UTRN: variants seen among roughly 807,000 people sequenced by gnomAD.
UTRN encodes the protein utrophin, also known as dystrophin-related protein 1.
UTRN carries 283 observed loss-of-function variants against 463.9 expected under a neutral mutation model. The observed-to-expected ratio is 0.61, with a 90% CI of 0.55 to 0.67. UTRN has a LOEUF of 0.67. Among genes scored for constraint, UTRN ranks in the 30% least tolerant of loss-of-function variants. UTRN has a pLI of 0.00. For synonymous variants in UTRN, 1,442 were observed against 1,431.5 expected, an observed-to-expected ratio of 1.01 and a Z score of -0.17; for missense variants, 3,922 against 4,084.3, an observed-to-expected ratio of 0.96 and a Z score of 1.08.
intron 13 of UTRN, 38 bp from the exon 14 acceptor site, chr6:144,444,243 A>G (rs1787444730): frequency 6.6e-7 from 1 of 1,520,020 alleles, no homozygotes; most frequent in Non-Finnish European, 9.1e-7. Context: ...CTCTCTCTTA[A>G]GGCTGTGTTG....
intron 52 of UTRN, among the ~76,000 whole-genome samples, chr6:144,685,386 T>C (rs6925510): frequency 0.052 from 7,859 of 152,254 alleles, 295 homozygotes; most frequent in African/African-American, 0.1. Flanking sequence ...TTCCTTTTGG[T>C]AGATACCTAG....
chr6:144,480,900 A>G (rs1247165589), intron 26 of UTRN, among the ~76,000 whole-genome samples: 2 of 152,230 alleles, frequency 1.3e-5, no homozygotes, highest in East Asian at 3.8e-4. Flanking sequence ...TAAATATGAC[A>G]GGAGACTTGT....
intron 58 of UTRN, among the ~76,000 whole-genome samples, chr6:144,765,336 T>C (rs1241608800): frequency 6.6e-6 from 1 of 152,206 alleles, no homozygotes; most frequent in Admixed American, 6.5e-5. Flanking sequence ...TTTTGGGGTG[T>C]ATGGTATGGT....
chr6:144,516,396 A>G lies in UTRN; in HGVS notation c.5403+9A>G. On this transcript the variant is annotated intron_variant, in intron 38 of 74. Coordinates refer to ENST00000367545, the MANE Select transcript of UTRN (RefSeq NM_007124.3). ...GTGATGAAGATGAAAAGGTTGGTTCAAGGAGATTTCAAAACCATGGTGGTC... is the reference window on the plus strand; with the variant it reads ...GTGATGAAGATGAAAAGGTTGGTTCGAGGAGATTTCAAAACCATGGTGGTC... The G allele has an allele frequency of 6.2e-7, 1 of 1,605,880 alleles. No homozygotes were observed. Among genetic ancestry groups the G allele is most frequent in the African/African-American group, 1.3e-5 (1 of 74,416 alleles).
rs571649843 is a variant in UTRN at position 144,502,913 on chromosome 6, T to C, written c.4764+3486T>C. Among the ~76,000 whole-genome samples the C allele has an allele frequency of 3.3e-5, 5 of 152,326 alleles. No individual in the cohort carries two copies. In the South Asian group the frequency reaches 8.3e-4, roughly 25 times the overall value. The stretch of plus-strand genomic sequence containing the variant: ...TTCTCCACATCCACTCCAGCATCTG[T>C]TGTTTCCTGACTTTTTAATAATCGC... On this transcript the variant is annotated intron_variant, in intron 34 of 74. Transcript: ENST00000367545.
In UTRN at chr6:144,539,396, G is replaced by A. The variant is rs577181209; in HGVS notation, c.6472G>A (p.Asp2158Asn). 2 of 1,613,228 alleles carry A rather than the reference G, an allele frequency of 1.2e-6. No individual in the cohort carries two copies. Among genetic ancestry groups the A allele is most frequent in the African/African-American group, 2.7e-5 (2 of 74,994 alleles). ...SDKSLSLPER[D>N]KISESLRTVN... Reference sequence around the variant, plus strand: ...TAAAAGTCTGAGTTTACCTGAAAGGGATAAAATTTCAGAAAGCTTAAGGAC... The same window carrying A: ...TAAAAGTCTGAGTTTACCTGAAAGGAATAAAATTTCAGAAAGCTTAAGGAC... Residue 2158 changes from aspartate to asparagine, a missense_variant, in exon 45 of 75, where the codon GAT becomes AAT. Asp to Asn is a conservative substitution (Grantham distance 23, BLOSUM62 1). Around this residue, in one of 3 missense-constraint regions of UTRN, gnomAD observed 2,349 missense variants for 2,303.8 expected, o/e 1.02. Coordinates refer to ENST00000367545, the MANE Select transcript of UTRN (RefSeq NM_007124.3).
intron 46 of UTRN, among the ~76,000 whole-genome samples, chr6:144,545,872 T>G (rs1471722788): frequency 6.6e-6 from 1 of 152,082 alleles, no homozygotes; most frequent in Non-Finnish European, 1.5e-5. Context: ...ATACAAAAAT[T>G]AGCTGGGCGT....
intron 65 of UTRN, among the ~76,000 whole-genome samples, chr6:144,815,342 CT>C (rs1313488164): frequency 6.6e-6 from 1 of 152,152 alleles, no homozygotes; most frequent in Non-Finnish European, 1.5e-5. Context: ...TTAGGCAGGG[CT>C]GTCTAGAGGG....
intron 2 of UTRN, among the ~76,000 whole-genome samples, chr6:144,332,976 C>A (rs1480337398): frequency 6.6e-6 from 1 of 151,528 alleles, no homozygotes; most frequent in Non-Finnish European, 1.5e-5. Flanking sequence ...TTCTGTCACT[C>A]AGGCTGGAGT....
chr6:144,391,534 C>G (rs192894617), intron 2 of UTRN, among the ~76,000 whole-genome samples: 211 of 152,270 alleles, frequency 1.4e-3, no homozygotes, highest in African/African-American at 4.6e-3. Flanking sequence ...AGTTTCAGAC[C>G]AAATCCTGCC....
intron 2 of UTRN, among the ~76,000 whole-genome samples, chr6:144,326,383 T>A (rs1000116303): frequency 5.9e-5 from 9 of 152,120 alleles, no homozygotes; most frequent in Non-Finnish European, 1.2e-4. Flanking sequence ...TAATATTTTT[T>A]ATACTTTCTG....
At chr6:144,719,432 C>G (rs1786858086) in intron 53 of UTRN, among the ~76,000 whole-genome samples, 1 of 152,100 alleles carries the variant, frequency 6.6e-6, no homozygotes, top group South Asian at 2.1e-4. Context: ...AAAAAATTAT[C>G]TGGGCGTGGT....
chr6:144,556,077 C>G (rs919867713), intron 49 of UTRN, among the ~76,000 whole-genome samples: 1 of 152,054 alleles, frequency 6.6e-6, no homozygotes, highest in Non-Finnish European at 1.5e-5. Flanking sequence ...TTAAGATTCT[C>G]TGTATAAAAT....
intron 19 of UTRN, among the ~76,000 whole-genome samples, chr6:144,454,995 A>C (rs1356127090): frequency 6.6e-6 from 1 of 152,062 alleles, no homozygotes; most frequent in East Asian, 1.9e-4. Context: ...TTTTGACCTT[A>C]GATTATTTTG....
intron 49 of UTRN, among the ~76,000 whole-genome samples, chr6:144,556,341 G>T (rs968143735): frequency 1.1e-4 from 17 of 152,282 alleles, no homozygotes; most frequent in African/African-American, 3.8e-4. Context: ...TGATACTGCT[G>T]ACTGTTTCCA....
intron 51 of UTRN, among the ~76,000 whole-genome samples, chr6:144,609,611 A>G (rs1451276988): frequency 6.6e-6 from 1 of 152,212 alleles, no homozygotes; most frequent in Admixed American, 6.5e-5. Context: ...ATTCCATTCC[A>G]CAGCAACAGA....
intron 51 of UTRN, chr6:144,660,361 T>C (rs1291563440): frequency 6.5e-6 from 3 of 459,234 alleles, no homozygotes; most frequent in East Asian, 1.4e-4. Flanking sequence ...AGATGCTCTA[T>C]TGACTCTTTG....
At chr6:144,572,476 C>T (rs1801033475) in intron 50 of UTRN, among the ~76,000 whole-genome samples, 1 of 151,952 alleles carries the variant, frequency 6.6e-6, no homozygotes, top group Non-Finnish European at 1.5e-5. Context: ...GTTTGCTGCA[C>T]CTATCAACCT....
At chr6:144,358,548 G>T (rs148567776) in intron 2 of UTRN, among the ~76,000 whole-genome samples, 198 of 152,284 alleles carry the variant, frequency 1.3e-3, no homozygotes, top group Middle Eastern at 3.4e-3. Context: ...GGGTCCCATG[G>T]AAATTTTTAT....
Sources: gnomAD v4.1 joint callset for allele counts (sites outside exome capture counted in the v4.1 genomes callset) on GRCh38, gnomAD v4.1.1 for gene constraint, gnomAD v4.1.1 regional missense constraint, MANE v1.5 for transcripts, NCBI Gene and HGNC (gene_info 2026-07-23, HGNC 2026-07-21) for gene names.